WDPCP: variants seen among roughly 807,000 people sequenced by gnomAD.
The protein encoded by WDPCP is WD repeat containing planar cell polarity effector.
In WDPCP, 71 loss-of-function variants were observed where a neutral mutation model predicts 93.1. The observed-to-expected ratio is 0.76, with a 90% CI of 0.63 to 0.93. The LOEUF is 0.93. WDPCP is among the 40% of genes least tolerant of loss of function. The probability of loss-of-function intolerance (pLI) is 0.00; values close to 1 mark genes in which losing one functional copy is unlikely to be tolerated. For missense variants in WDPCP, 844 were observed against 887.4 expected, an observed-to-expected ratio of 0.95 and a Z score of 0.62; for synonymous variants, 315 against 315.0, an observed-to-expected ratio of 1.00 and a Z score of 0.00.
intron 1 of WDPCP, chr2:63,571,590 G>A (rs1411596630): frequency 4.2e-6 from 2 of 470,780 alleles, no homozygotes; most frequent in Non-Finnish European, 8.8e-6. Context: ...GAGAGTTGTG[G>A]GTTTTCTGTA....
intron 3 of WDPCP, among the ~76,000 whole-genome samples, chr2:63,617,085 C>T (rs1162854511): frequency 6.6e-6 from 1 of 152,092 alleles, no homozygotes; most frequent in African/African-American, 2.4e-5. Flanking sequence ...AGCACCTCAC[C>T]ACAGGAAAAA....
At chr2:63,706,931 T>C (rs1413894919) in intron 2 of WDPCP, among the ~76,000 whole-genome samples, 1 of 152,188 alleles carries the variant, frequency 6.6e-6, no homozygotes, top group East Asian at 1.9e-4. Flanking sequence ...AATTCTTTTC[T>C]TTAAGAATGT....
intron 2 of WDPCP, among the ~76,000 whole-genome samples, chr2:63,674,611 A>T (rs1159164551): frequency 6.6e-6 from 1 of 152,132 alleles, no homozygotes; most frequent in African/African-American, 2.4e-5. Context: ...AATAAGTTCT[A>T]GAGATCTGCT....
intron 14 of WDPCP, among the ~76,000 whole-genome samples, chr2:63,212,406 C>T (rs896310011): frequency 1.3e-5 from 2 of 152,140 alleles, no homozygotes; most frequent in African/African-American, 4.8e-5. Context: ...CCTTTACAGA[C>T]AAGCAAATGC....
intron 1 of WDPCP, among the ~76,000 whole-genome samples, chr2:63,573,826 C>T (rs1707722850): frequency 6.6e-6 from 1 of 152,084 alleles, no homozygotes; most frequent in Admixed American, 6.6e-5. Context: ...AAGGAACATC[C>T]CTGAGAAAGA....
At chr2:63,750,755 C>T (rs997101367) in intron 2 of WDPCP, among the ~76,000 whole-genome samples, 8 of 151,574 alleles carry the variant, frequency 5.3e-5, no homozygotes, top group Non-Finnish European at 8.8e-5. Flanking sequence ...TTTTTTTCTT[C>T]ATTATTCTGT....
intron 2 of WDPCP, among the ~76,000 whole-genome samples, chr2:63,787,438 T>C (rs749337748): frequency 5.9e-5 from 9 of 152,118 alleles, no homozygotes; most frequent in Non-Finnish European, 1.3e-4. Flanking sequence ...AAAGATGAAA[T>C]ATGCAGTCTT....
chr2:63,575,153 T>C (rs2106498248), intron 1 of WDPCP, among the ~76,000 whole-genome samples: 1 of 151,748 alleles, frequency 6.6e-6, no homozygotes, highest in East Asian at 2.0e-4. Context: ...AGGGGACAAC[T>C]ACCATAACAA....
chr2:63,486,661 T>G, intron 3 of WDPCP, 75 bp from the exon 4 acceptor site: 1 of 1,254,144 alleles, frequency 8.0e-7, no homozygotes, highest in Non-Finnish European at 1.1e-6. Context: ...CCTTGTATTT[T>G]AATATGTACA....
intron 1 of WDPCP, among the ~76,000 whole-genome samples, chr2:63,545,772 A>G (rs1009816053): frequency 1.5e-4 from 23 of 151,548 alleles, no homozygotes; most frequent in Non-Finnish European, 2.7e-4. Context: ...AGAATATGAC[A>G]CACCTCCTTG....
intron 14 of WDPCP, among the ~76,000 whole-genome samples, chr2:63,207,589 C>A (rs1189185800): frequency 1.3e-5 from 2 of 152,096 alleles, no homozygotes; most frequent in African/African-American, 2.4e-5. Context: ...TTCTGTATTG[C>A]GTTCTGGCAT....
At chr2:63,275,139 T>A (rs1682982518) in intron 13 of WDPCP, among the ~76,000 whole-genome samples, 2 of 152,222 alleles carry the variant, frequency 1.3e-5, no homozygotes, top group African/African-American at 4.8e-5. Context: ...ATCCCAGGGA[T>A]GCAAGGATGC....
At chr2:63,444,169 A>G (rs1440824617) in intron 6 of WDPCP, among the ~76,000 whole-genome samples, 3 of 152,154 alleles carry the variant, frequency 2.0e-5, no homozygotes. Flanking sequence ...TCTGACCCAA[A>G]AGATCAGTTT....
At chr2:63,327,214 A>T (rs1454879529) in intron 12 of WDPCP, among the ~76,000 whole-genome samples, 1 of 152,224 alleles carries the variant, frequency 6.6e-6, no homozygotes, top group Non-Finnish European at 1.5e-5. Context: ...AAAATTGCCT[A>T]ATAATTGATC....
chr2:63,288,321 G>A (rs937491856), intron 13 of WDPCP, among the ~76,000 whole-genome samples: 2 of 152,202 alleles, frequency 1.3e-5, no homozygotes, highest in African/African-American at 4.8e-5. Context: ...AAAGTAAAAT[G>A]AGTAGCTTTT....
chr2:63,527,212 G>C (rs545893635), intron 1 of WDPCP, among the ~76,000 whole-genome samples: 2 of 150,756 alleles, frequency 1.3e-5, no homozygotes, highest in Non-Finnish European at 2.9e-5. Context: ...CAGAGCAAAG[G>C]GCAGGCATGC....
At chr2:63,720,028 T>A (rs1018384702) in intron 2 of WDPCP, among the ~76,000 whole-genome samples, 15 of 152,170 alleles carry the variant, frequency 9.9e-5, no homozygotes, top group Non-Finnish European at 1.5e-5. Flanking sequence ...TTGACCTTTT[T>A]CTTCTTTTTG....
At chr2:63,470,699 A>G (rs970254596) in intron 6 of WDPCP, among the ~76,000 whole-genome samples, 1 of 151,946 alleles carries the variant, frequency 6.6e-6, no homozygotes, top group Non-Finnish European at 1.5e-5. Context: ...TCCACTCAAA[A>G]CTCTTCAAGA....
chr2:63,706,585 G>A (rs1207792084), intron 2 of WDPCP, among the ~76,000 whole-genome samples: 1 of 143,048 alleles, frequency 7.0e-6, no homozygotes, highest in Admixed American at 7.0e-5. Context: ...GAAATTCTGG[G>A]TTGAAAATTC....
Sources: allele counts gnomAD v4.1 joint callset (sites outside exome capture counted in the v4.1 genomes callset), GRCh38; gene constraint gnomAD v4.1.1; transcripts MANE v1.5; gene names NCBI Gene and HGNC (gene_info 2026-07-23, HGNC 2026-07-21).